The following PDE10A variants were observed in gnomAD, a reference collection of about 807,000 sequenced individuals.
The protein encoded by PDE10A is phosphodiesterase 10A, also known as cAMP and cAMP-inhibited cGMP 3',5'-cyclic phosphodiesterase 10A.
A neutral mutation model predicts 97.7 loss-of-function variants in PDE10A; 39 were observed. The ratio of observed to expected loss-of-function variants is 0.40; its 90% CI spans 0.31 to 0.52. The LOEUF (loss-of-function observed/expected upper bound fraction) is 0.52. Ranked by LOEUF, PDE10A falls within the 20% of genes least tolerant of loss-of-function variation. PDE10A has a pLI of 0.56. For missense variants in PDE10A, 731 were observed against 1,047.8 expected (o/e 0.70, Z 4.17); for synonymous variants, 371 against 376.8 (o/e 0.98, Z 0.18).
chr6:165,335,069 C>G (rs1332217782), intron 21 of PDE10A, among the ~76,000 whole-genome samples: 1 of 152,146 alleles, frequency 6.6e-6, no homozygotes, highest in East Asian at 1.9e-4. Context: ...GACTCACACG[C>G]ACAGCTGCTG....
At chr6:165,888,580 G>C (rs1562783669) in intron 1 of PDE10A, among the ~76,000 whole-genome samples, 1 of 152,116 alleles carries the variant, frequency 6.6e-6, no homozygotes, top group Non-Finnish European at 1.5e-5. Flanking sequence ...CACCGCACCT[G>C]GCCTGCTTTT....
intron 1 of PDE10A, among the ~76,000 whole-genome samples, chr6:165,708,383 G>C (rs1791774001): frequency 6.6e-6 from 1 of 152,018 alleles, no homozygotes; most frequent in Non-Finnish European, 1.5e-5. Flanking sequence ...TCCTCCAGGA[G>C]GACCCGTTCA....
chr6:165,951,681 G>A (rs763674561), intron 1 of PDE10A, among the ~76,000 whole-genome samples: 14 of 152,152 alleles, frequency 9.2e-5, no homozygotes, highest in South Asian at 2.1e-4. Context: ...TCTGTTCTCC[G>A]TTCTCCAGCA....
chr6:165,715,149 C>T lies in PDE10A; in HGVS notation c.-614-171581G>A, dbSNP rs1052274499. On this transcript the variant is annotated intron_variant, in intron 1 of 19. Coordinates refer to the PDE10A transcript ENST00000366882. ...GCAGGGCTCAGTGACCAGGTGCGGCCGGCGCTGCTTACACTCATGCGGGCT... is the reference window on the plus strand; with the variant it reads ...GCAGGGCTCAGTGACCAGGTGCGGCTGGCGCTGCTTACACTCATGCGGGCT... Among the ~76,000 whole-genome samples the T allele has an allele frequency of 2.6e-5, 4 of 152,340 alleles. No homozygotes were observed. The East Asian group carries it at 5.8e-4, about 22-fold the overall frequency.
At chr6:165,924,901 G>A (rs1782884278) in intron 1 of PDE10A, among the ~76,000 whole-genome samples, 1 of 152,178 alleles carries the variant, frequency 6.6e-6, no homozygotes, top group Non-Finnish European at 1.5e-5. Context: ...AGTCATTAAA[G>A]AGAAAATTGA....
chr6:165,549,093 T>C (rs1302954608), intron 1 of PDE10A, among the ~76,000 whole-genome samples: 1 of 152,184 alleles, frequency 6.6e-6, no homozygotes, highest in Admixed American at 6.5e-5. Context: ...CCTCTGCTAG[T>C]ATGAGATATC....
chr6:165,387,625 G>A (rs1364776290), intron 17 of PDE10A, among the ~76,000 whole-genome samples: 1 of 152,284 alleles, frequency 6.6e-6, no homozygotes, highest in African/African-American at 2.4e-5. Flanking sequence ...AAGACCTAAC[G>A]AGGATTTCTC....
intron 1 of PDE10A, among the ~76,000 whole-genome samples, chr6:165,687,828 C>G (rs1415979777): frequency 6.6e-6 from 1 of 152,214 alleles, no homozygotes; most frequent in Non-Finnish European, 1.5e-5. Context: ...TTAAGCCCTT[C>G]CCAAACTTTC....
chr6:165,557,807 T>C (rs1486431789), intron 1 of PDE10A, among the ~76,000 whole-genome samples: 2 of 152,212 alleles, frequency 1.3e-5, no homozygotes, highest in Non-Finnish European at 2.9e-5. Context: ...TATTTTGTTT[T>C]AGGATGAATA....
At chr6:165,350,550 G>A (rs1177226113) in intron 18 of PDE10A, among the ~76,000 whole-genome samples, 1 of 152,146 alleles carries the variant, frequency 6.6e-6, no homozygotes, top group Non-Finnish European at 1.5e-5. Context: ...AAGAATTTGA[G>A]GGACTGTTGG....
intron 3 of PDE10A, among the ~76,000 whole-genome samples, chr6:165,450,677 T>C (rs944159922): frequency 6.6e-6 from 1 of 151,940 alleles, no homozygotes; most frequent in African/African-American, 2.4e-5. Context: ...CACCTCAGCC[T>C]CCCAAGCAGC....
chr6:165,870,630 T>C (rs1027172534), intron 1 of PDE10A, among the ~76,000 whole-genome samples: 6 of 152,154 alleles, frequency 3.9e-5, no homozygotes, highest in Admixed American at 1.3e-4. Flanking sequence ...AGGAAATTAG[T>C]ATATCAAAGG....
At chr6:165,620,092 A>T (rs944884667) in intron 1 of PDE10A, among the ~76,000 whole-genome samples, 2 of 151,856 alleles carry the variant, frequency 1.3e-5, no homozygotes, top group East Asian at 3.9e-4. Context: ...TACATGCTTC[A>T]CTCTTCTCCA....
chr6:165,573,304 A>T (rs911306763), intron 1 of PDE10A, among the ~76,000 whole-genome samples: 3 of 149,156 alleles, frequency 2.0e-5, no homozygotes, highest in East Asian at 3.9e-4. Context: ...ATCAGTAGAG[A>T]GTGCGTTTGG....
rs2128172622 is a variant in PDE10A, at chr6:165,332,920, T to A, written c.*105A>T. 1 of 733,432 alleles carries A rather than the reference T, an allele frequency of 1.4e-6. No individual in the cohort carries two copies. Among genetic ancestry groups the A allele is most frequent in the Admixed American group, 1.9e-5 (1 of 52,900 alleles). The allele number at this position is 733,432 out of a possible 1,614,324, so 45.4% of individuals were successfully genotyped here. On this transcript the variant is annotated 3_prime_UTR_variant, in exon 22 of 22. Coordinates refer to ENST00000539869, the MANE Select transcript of PDE10A (RefSeq NM_001385079.1). ...CTTCTTGAAGAGGTTTGCACCCCAG[T>A]TACCAGGTGCAGGTTCCCCCCACCC...
intron 5 of PDE10A, among the ~76,000 whole-genome samples, chr6:165,440,589 C>T (rs1440755202): frequency 3.3e-5 from 5 of 152,114 alleles, no homozygotes; most frequent in Non-Finnish European, 4.4e-5. Flanking sequence ...TGAACTCGGA[C>T]AGTCATTACC....
chr6:165,561,456 G>A (rs1784519617), intron 1 of PDE10A, among the ~76,000 whole-genome samples: 1 of 152,112 alleles, frequency 6.6e-6, no homozygotes, highest in Admixed American at 6.5e-5. Context: ...TAAGCCTACA[G>A]TTCAATGCAA....
intron 1 of PDE10A, among the ~76,000 whole-genome samples, chr6:165,844,828 C>T (rs912315142): frequency 2.0e-5 from 3 of 152,178 alleles, no homozygotes; most frequent in African/African-American, 7.2e-5. Flanking sequence ...TCAGTACAAA[C>T]CCTGCCTGGG....
At chr6:165,704,320 G>T (rs551375358) in intron 1 of PDE10A, among the ~76,000 whole-genome samples, 1 of 152,040 alleles carries the variant, frequency 6.6e-6, no homozygotes, top group Admixed American at 6.5e-5. Flanking sequence ...GGAGCACGTG[G>T]GACACCCATG....
Sources: gnomAD v4.1 joint callset for allele counts (sites outside exome capture counted in the v4.1 genomes callset) on GRCh38, gnomAD v4.1.1 for gene constraint, MANE v1.5 for transcripts, NCBI Gene and HGNC (gene_info 2026-07-23, HGNC 2026-07-21) for gene names.